The following MTOR variants were observed in gnomAD, a reference collection of about 807,000 sequenced individuals.
The protein encoded by MTOR is serine/threonine-protein kinase mTOR.
In MTOR, 70 loss-of-function variants were observed where a neutral mutation model predicts 319.8. The observed-to-expected ratio is 0.22, with a 90% CI of 0.18 to 0.27. The LOEUF (loss-of-function observed/expected upper bound fraction) is 0.27, where lower values mean the gene tolerates loss of function less well. Ranked by LOEUF, MTOR falls within the 10% of genes least tolerant of loss-of-function variation. The probability of loss-of-function intolerance (pLI) is 1.00; values close to 1 mark genes in which losing one functional copy is unlikely to be tolerated. For synonymous variants in MTOR, 1,183 were observed against 1,211.4 expected, an observed-to-expected ratio of 0.98 and a Z score of 0.49; for missense variants, 1,890 against 3,274.4, an observed-to-expected ratio of 0.58 and a Z score of 10.32.
chr1:11,205,913 T>C (rs1219359033), intron 25 of MTOR, among the ~76,000 whole-genome samples: 1 of 152,190 alleles, frequency 6.6e-6, no homozygotes, highest in Non-Finnish European at 1.5e-5. Flanking sequence ...GACCCCCAGG[T>C]GCTATACCAT....
At chr1:11,156,081 C>G (rs996679774) in intron 30 of MTOR, among the ~76,000 whole-genome samples, 1 of 152,172 alleles carries the variant, frequency 6.6e-6, no homozygotes, top group Non-Finnish European at 1.5e-5. Context: ...ACCTCCGCCT[C>G]CCGGGTTCAA....
In MTOR at chr1:11,126,686, C is replaced by T. The variant is rs201706131; in HGVS notation, c.6462G>A (p.Gln2154=). The T allele has an allele frequency of 7.9e-5, 127 of 1,613,844 alleles. No homozygotes were observed. The highest frequency in any genetic ancestry group is 1.0e-4 in the Non-Finnish European group (120 of 1,180,022). The change falls in exon 46 of 58, where the codon CAG becomes CAA. Residue 2154 remains glutamine, a synonymous_variant. Transcript: ENST00000361445. ...YDPNQPIIRI[Q]SIAPSLQVIT... Reference sequence around the variant, plus strand: ...TGACTTGCAAAGACGGTGCTATGGACTGAATGCGAATGATTGGCTGGTTGG... The same window carrying T: ...TGACTTGCAAAGACGGTGCTATGGATTGAATGCGAATGATTGGCTGGTTGG...
At chr1:11,126,491 A>G (rs1642845215) in intron 46 of MTOR, 131 bp downstream of exon 46, 2 of 1,065,878 alleles carry the variant, frequency 1.9e-6, no homozygotes, top group East Asian at 2.6e-5. Flanking sequence ...TTTCCTCTCA[A>G]TGAGCATGGG....
intron 36 of MTOR, 115 bp from the exon 37 acceptor site, chr1:11,134,581 A>G (rs1643316229): frequency 2.5e-6 from 2 of 787,102 alleles, no homozygotes; most frequent in Non-Finnish European, 4.3e-6. Context: ...AGAATACCCT[A>G]GAGCACAGAA....
Position 11,127,244 on chromosome 1 carries a change from T to G in MTOR, c.6217-100A>C. ...CTGCAGATATTCCTCAGGAGCCCGC[T>G]GTGGCCTGAAAACACTGGCAGGGGG... On this transcript the variant is annotated intron_variant, in intron 44 of 57. Transcript: ENST00000361445. This position sits in a 1 kb window ranked among gnomAD's most constrained non-coding sequence, Gnocchi z 5.5. 1 of 1,525,892 alleles carries G rather than the reference T, an allele frequency of 6.6e-7. No individual in the cohort carries two copies. Among genetic ancestry groups the G allele is most frequent in the South Asian group, 1.2e-5 (1 of 81,076 alleles). The allele number at this position is 1,525,892 out of a possible 1,614,324, so 94.5% of individuals were successfully genotyped here.
At chr1:11,172,327 G>A (rs1040965000) in intron 28 of MTOR, among the ~76,000 whole-genome samples, 2 of 151,904 alleles carry the variant, frequency 1.3e-5, no homozygotes, top group Non-Finnish European at 2.9e-5. Flanking sequence ...GGAGGCTGAG[G>A]TGGGCAGATC....
intron 8 of MTOR, among the ~76,000 whole-genome samples, chr1:11,246,512 T>C (rs1648847005): frequency 6.6e-6 from 1 of 152,230 alleles, no homozygotes; most frequent in Non-Finnish European, 1.5e-5. Context: ...TGGTTTTATG[T>C]GGCGAATTGT....
In MTOR at chr1:11,237,936, A is replaced by G. The variant is rs1569739350; in HGVS notation, c.2115T>C (p.Phe705=). 6.2e-7 allele frequency: 1 copy of G among 1,614,144 alleles called. No homozygotes were observed. Among genetic ancestry groups the G allele is most frequent in the Admixed American group, 1.7e-5 (1 of 60,020 alleles). ...TGCAGATGGCCAGCTCCCGGATCTC[A>G]AACACCTGGTCATTCAGAGCCACAA... ...ALFVALNDQV[F]EIRELAICTV... Residue 705 remains phenylalanine, a synonymous_variant, in exon 13 of 58, where the codon TTT becomes TTC. Transcript: ENST00000361445.
At chr1:11,188,889 A>G (rs1645409567) in intron 28 of MTOR, among the ~76,000 whole-genome samples, 1 of 152,240 alleles carries the variant, frequency 6.6e-6, no homozygotes, top group African/African-American at 2.4e-5. Context: ...TAATCAGCCT[A>G]GATAAAAGCA....
In MTOR at chr1:11,192,067, C is replaced by T. The variant is rs28991000; in HGVS notation, c.4253+7191G>A. Among the ~76,000 whole-genome samples, 348 of 152,248 alleles carry T rather than the reference C, an allele frequency of 2.3e-3. 5 individuals carry two copies. The highest frequency in any genetic ancestry group is 8.1e-3 in the African/African-American group (336 of 41,534). On this transcript the variant is annotated intron_variant, in intron 28 of 57. Coordinates refer to ENST00000361445, the MANE Select transcript of MTOR (RefSeq NM_004958.4). ...AATGCTATCCAGGTGAAGGGCTTCC[C>T]TACCCCTCTGCTCCACCGCTAGTAA...
chr1:11,121,884 TCAGTGACAGA>T lies in MTOR; in HGVS notation c.6810+85_6810+94del. On this transcript the variant is annotated intron_variant, in intron 48 of 57. Coordinates refer to ENST00000361445, the MANE Select transcript of MTOR (RefSeq NM_004958.4). The surrounding 1 kb of genome is among the most constrained non-coding windows in gnomAD (Gnocchi z 4.9). ...AAGCTGATTCTCTCAAAGAGATTTT[TCAGTGACAGA>T]CATACAGAGAGGAATGAGAAAAGCA... is the stretch of plus-strand genomic sequence containing the variant. 1.4e-6 allele frequency: 2 copies of T among 1,481,148 alleles called. No homozygotes were observed. The highest frequency in any genetic ancestry group is 2.1e-5 in the Admixed American group (1 of 47,234). 91.8% of individuals were successfully genotyped at this position (1,481,148 alleles called of 1,614,324 possible).
chr1:11,252,027 CAT>C (rs1172186397), intron 6 of MTOR, among the ~76,000 whole-genome samples: 3 of 152,144 alleles, frequency 2.0e-5, no homozygotes, highest in African/African-American at 7.2e-5. Context: ...ACTTCACACA[CAT>C]AGTCATCCCC....
At chr1:11,146,908 CAAAT>C in intron 31 of MTOR, 117 bp from the exon 32 acceptor site, 1 of 710,462 alleles carries the variant, frequency 1.4e-6, no homozygotes, top group South Asian at 1.7e-5. Flanking sequence ...ATAAACAAGA[CAAAT>C]AAACTTGAGC....
chr1:11,177,768 G>A (rs1228931485), intron 28 of MTOR, among the ~76,000 whole-genome samples: 1 of 152,072 alleles, frequency 6.6e-6, no homozygotes, highest in Non-Finnish European at 1.5e-5. Context: ...TTTGAGATTA[G>A]GAAGTGCGTG....
chr1:11,144,507 T>C (rs1465451508), intron 34 of MTOR, 141 bp downstream of exon 34: 1 of 642,162 alleles, frequency 1.6e-6, no homozygotes. Flanking sequence ...GTATTCTGCT[T>C]TGTATGCAAG....
chr1:11,189,314 G>C, intron 28 of MTOR: 1 of 370,072 alleles, frequency 2.7e-6, no homozygotes, highest in South Asian at 3.9e-5. Flanking sequence ...TGGAGGTACA[G>C]GCAGCAAACA....
intron 28 of MTOR, among the ~76,000 whole-genome samples, chr1:11,185,467 G>A (rs1400607664): frequency 6.6e-6 from 1 of 151,870 alleles, no homozygotes; most frequent in Non-Finnish European, 1.5e-5. Context: ...ATAGTTGGGT[G>A]TGGTGGTGCA....
intron 28 of MTOR, chr1:11,193,688 G>C: frequency 1.2e-6 from 2 of 1,614,136 alleles, no homozygotes; most frequent in Non-Finnish European, 1.7e-6. Context: ...GCAGGGCTTT[G>C]GCAGCATCCG....
At chr1:11,120,326 G>A (rs1642448630) in intron 49 of MTOR, among the ~76,000 whole-genome samples, 1 of 151,986 alleles carries the variant, frequency 6.6e-6, no homozygotes, top group Non-Finnish European at 1.5e-5. Flanking sequence ...ATCACTTGAG[G>A]TCAGGAGTTT....
Sources: allele counts gnomAD v4.1 joint callset (sites outside exome capture counted in the v4.1 genomes callset), GRCh38; gene constraint gnomAD v4.1.1; non-coding constraint Gnocchi (gnomAD v3.1); transcripts MANE v1.5; gene names NCBI Gene and HGNC (gene_info 2026-07-23, HGNC 2026-07-21).